CDH13: variants seen among roughly 807,000 people sequenced by gnomAD.
CDH13 encodes cadherin-13.
A neutral mutation model predicts 63.8 loss-of-function variants in CDH13; 24 were observed. That is an observed-to-expected ratio of 0.38 (90% confidence interval 0.27 to 0.53). CDH13 has a LOEUF of 0.53. Among genes scored for constraint, CDH13 ranks in the 20% least tolerant of loss-of-function variants. The pLI, the probability that CDH13 is intolerant of heterozygous loss-of-function variation, is 0.85. For missense variants in CDH13, 1,049 were observed against 903.1 expected, an observed-to-expected ratio of 1.16 and a Z score of -2.07; for synonymous variants, 503 against 355.3, an observed-to-expected ratio of 1.42 and a Z score of -4.67.
intron 1 of CDH13, among the ~76,000 whole-genome samples, chr16:82,743,826 AT>A (rs1322938440): frequency 2.2e-4 from 34 of 152,242 alleles, no homozygotes; most frequent in African/African-American, 8.2e-4. Context: ...AATATTTTCT[AT>A]TTTATAAATA....
At chr16:83,070,934 G>A (rs559954871) in intron 3 of CDH13, among the ~76,000 whole-genome samples, 9 of 150,078 alleles carry the variant, frequency 6.0e-5, no homozygotes, top group African/African-American at 2.2e-4. Context: ...ATTTAAGTTA[G>A]GAGGGGAGTT....
At chr16:83,000,291 C>G (rs1451599856) in intron 2 of CDH13, among the ~76,000 whole-genome samples, 1 of 107,832 alleles carries the variant, frequency 9.3e-6, no homozygotes. Context: ...TCTTGTTGCC[C>G]AGACTGTAGT....
At chr16:83,495,506 T>A (rs1017117330) in intron 7 of CDH13, among the ~76,000 whole-genome samples, 11 of 152,174 alleles carry the variant, frequency 7.2e-5, no homozygotes, top group African/African-American at 2.7e-4. Context: ...GGTATCAGAC[T>A]CTTAGTTAAT....
chr16:83,152,463 G>A (rs552619877), intron 4 of CDH13, among the ~76,000 whole-genome samples: 1 of 152,282 alleles, frequency 6.6e-6, no homozygotes, highest in South Asian at 2.1e-4. Context: ...TCACCAAAAT[G>A]TTGACAGTAG....
intron 2 of CDH13, among the ~76,000 whole-genome samples, chr16:82,863,565 A>G (rs1037334847): frequency 6.6e-6 from 1 of 152,230 alleles, no homozygotes; most frequent in African/African-American, 2.4e-5. Flanking sequence ...AAGAAGATTA[A>G]TGGTAGTCCC....
At chr16:82,679,333 G>C (rs921637444) in intron 1 of CDH13, among the ~76,000 whole-genome samples, 13 of 152,210 alleles carry the variant, frequency 8.5e-5, no homozygotes, top group Admixed American at 2.0e-4. Flanking sequence ...CTGGGAACCT[G>C]GTTGTTATAT....
chr16:83,216,474 CATAT>C (rs1343393991), intron 4 of CDH13, among the ~76,000 whole-genome samples: 1 of 98,168 alleles, frequency 1.0e-5, no homozygotes, highest in Non-Finnish European at 2.1e-5. Context: ...TTATATATAA[CATAT>C]ATATTTTATT....
chr16:83,255,896 C>G (rs966779485), intron 5 of CDH13, among the ~76,000 whole-genome samples: 4 of 152,120 alleles, frequency 2.6e-5, no homozygotes, highest in Non-Finnish European at 5.9e-5. Context: ...ATACCTAGCA[C>G]TAAGCTTGGC....
At chr16:83,188,612 C>G (rs1223338833) in intron 4 of CDH13, among the ~76,000 whole-genome samples, 1 of 152,182 alleles carries the variant, frequency 6.6e-6, no homozygotes, top group Non-Finnish European at 1.5e-5. Flanking sequence ...CCTTTTTCTA[C>G]TGTAACAGGC....
At chr16:83,312,066 CAAAA>C (rs5818437) in intron 5 of CDH13, among the ~76,000 whole-genome samples, 4 of 94,948 alleles carry the variant, frequency 4.2e-5, no homozygotes, top group Non-Finnish European at 6.2e-5. Flanking sequence ...AACTCCATCT[CAAAA>C]AAAAAAAAAA....
At chr16:82,696,172 A>G (rs1348886057) in intron 1 of CDH13, among the ~76,000 whole-genome samples, 1 of 152,206 alleles carries the variant, frequency 6.6e-6, no homozygotes, top group African/African-American at 2.4e-5. Flanking sequence ...GTCTAAGTAA[A>G]AAAAGAGGTG....
At chr16:83,773,325 T>C (rs1029238227) in intron 11 of CDH13, among the ~76,000 whole-genome samples, 3 of 152,360 alleles carry the variant, frequency 2.0e-5, no homozygotes, top group African/African-American at 7.2e-5. Context: ...GTATAGCTAC[T>C]ACTCGATACT....
intron 7 of CDH13, among the ~76,000 whole-genome samples, chr16:83,519,134 G>C (rs182569433): frequency 6.6e-6 from 1 of 152,286 alleles, no homozygotes; most frequent in Admixed American, 6.5e-5. Context: ...TATAGGGACT[G>C]GGACACACTG....
intron 2 of CDH13, among the ~76,000 whole-genome samples, chr16:83,008,705 A>G (rs867316567): frequency 2.6e-5 from 4 of 152,204 alleles, no homozygotes; most frequent in Non-Finnish European, 5.9e-5. Context: ...TAACCCAGGC[A>G]GAAGATCATG....
intron 1 of CDH13, among the ~76,000 whole-genome samples, chr16:82,636,566 C>A (rs1427096300): frequency 6.6e-6 from 1 of 152,168 alleles, no homozygotes; most frequent in African/African-American, 2.4e-5. Flanking sequence ...TTACATGAAG[C>A]AAATAATGAT....
intron 5 of CDH13, among the ~76,000 whole-genome samples, chr16:83,311,289 G>C (rs1224587284): frequency 6.6e-6 from 1 of 151,996 alleles, no homozygotes; most frequent in Non-Finnish European, 1.5e-5. Flanking sequence ...GTGTGTCCCG[G>C]TGTGTGAAAG....
chr16:82,700,862 C>T (rs1366242374), intron 1 of CDH13, among the ~76,000 whole-genome samples: 1 of 146,776 alleles, frequency 6.8e-6, no homozygotes, highest in African/African-American at 2.5e-5. Context: ...CTATTCAGAA[C>T]ACTAATCTGA....
intron 10 of CDH13, among the ~76,000 whole-genome samples, chr16:83,714,368 A>G (rs1908570225): frequency 6.6e-6 from 1 of 152,242 alleles, no homozygotes; most frequent in African/African-American, 2.4e-5. Context: ...TAGCTGGCAT[A>G]AAAATTAAAC....
chr16:83,569,126 C>G (rs932707391), intron 7 of CDH13, among the ~76,000 whole-genome samples: 4 of 152,090 alleles, frequency 2.6e-5, no homozygotes, highest in African/African-American at 7.2e-5. Context: ...TTCCACAAAC[C>G]TATGAGGACC....
Sources: gnomAD v4.1 joint callset for allele counts (sites outside exome capture counted in the v4.1 genomes callset) on GRCh38, gnomAD v4.1.1 for gene constraint, MANE v1.5 for transcripts, NCBI Gene and HGNC (gene_info 2026-07-23, HGNC 2026-07-21) for gene names.